The following ARAP1 variants were observed in gnomAD, a reference collection of about 807,000 sequenced individuals.
ARAP1 encodes ArfGAP with RhoGAP domain, ankyrin repeat and PH domain 1.
In ARAP1, 76 loss-of-function variants were observed where a neutral mutation model predicts 172.2. The ratio of observed to expected loss-of-function variants is 0.44; its 90% CI spans 0.37 to 0.53. ARAP1 has a LOEUF of 0.53. ARAP1 is among the 20% of genes least tolerant of loss of function. ARAP1 has a pLI of 0.00. For synonymous variants in ARAP1, 804 were observed against 803.3 expected, an observed-to-expected ratio of 1.00 and a Z score of -0.01; for missense variants, 1,686 against 1,977.5, an observed-to-expected ratio of 0.85 and a Z score of 2.80.
chr11:72,704,438 AG>A lies in ARAP1; in HGVS notation c.1810-105del. 11 of 1,275,260 alleles carry A rather than the reference AG, an allele frequency of 8.6e-6. 1 individual carries two copies. The South Asian group carries it at 1.6e-4, about 18-fold the overall frequency. The allele number at this position is 1,275,260 out of a possible 1,614,324, so 79.0% of individuals were successfully genotyped here. A position where few individuals can be genotyped will look rare whatever the true frequency, so the allele number is the denominator to read the frequency against. ...TGTTAGGAAAGGGGCTGGGAGAGCC[AG>A]GCCATCTGCCCACTTTCCCAATGGG... On this transcript the variant is annotated intron_variant, in intron 13 of 34. Transcript: ENST00000393609.
chr11:72,712,878 A>G, intron 5 of ARAP1: 2 of 599,466 alleles, frequency 3.3e-6, no homozygotes, highest in South Asian at 4.1e-5. Context: ...AGTGAAACAG[A>G]GACAGACACT....
Position 72,686,097 on chromosome 11 carries a change from C to A in ARAP1, c.4280G>T (p.Gly1427Val). 6.2e-7 allele frequency: 1 copy of A among 1,614,086 alleles called. No individual in the cohort carries two copies. The highest frequency in any genetic ancestry group is 8.5e-7 in the Non-Finnish European group (1 of 1,180,012). Reference sequence around the variant, plus strand: ...ACTCCGGCGCATTTCATTTTCACTACCTCGAAGGGGGATCAGTGACACACT... The same window carrying A: ...ACTCCGGCGCATTTCATTTTCACTAACTCGAAGGGGGATCAGTGACACACT... Reference protein sequence around the residue: ...LGSVSLIPLRGSENEMRRSVA... With the variant: ...LGSVSLIPLRVSENEMRRSVA... Residue 1427 changes from glycine (G) to valine (V), a missense_variant, in exon 34 of 35, where the codon GGT becomes GTT. Coordinates refer to ENST00000393609, the MANE Select transcript of ARAP1 (RefSeq NM_001040118.3).
rs1345059946 is a variant in ARAP1, at chr11:72,698,020, T to G, written c.2628A>C (p.Leu876=). Residue 876 remains leucine (L), a synonymous_variant, in exon 19 of 35, where the codon CTA becomes CTC. Coordinates refer to ENST00000393609, the MANE Select transcript of ARAP1 (RefSeq NM_001040118.3). ...GRLPYKAGLS[L]QRAQEGWFSL... The stretch of plus-strand genomic sequence containing the variant: ...AGAACCAGCCCTCCTGGGCCCGCTG[T>G]AGGCTCAGGCCAGCTTTGTAGGGTA... 6.2e-7 allele frequency: 1 copy of G among 1,610,582 alleles called. No homozygotes were observed. Among genetic ancestry groups the G allele is most frequent in the Non-Finnish European group, 8.5e-7 (1 of 1,178,708 alleles).
In ARAP1 at chr11:72,751,703, G is replaced by A. The variant is rs145207350; in HGVS notation, c.-128+625C>T. Among the ~76,000 whole-genome samples the A allele has an allele frequency of 5.7e-3, 865 of 151,930 alleles. 5 individuals are homozygous for A. Among genetic ancestry groups the A allele is most frequent in the Middle Eastern group, 0.041 (12 of 294 alleles). Reference sequence around the variant, plus strand: ...CAGAAACCACAGCGTGATGGCTTCTGGCCAGATTCCCCCCCTCCCCGCCGG... The same window carrying A: ...CAGAAACCACAGCGTGATGGCTTCTAGCCAGATTCCCCCCCTCCCCGCCGG... On this transcript the variant is annotated intron_variant, in intron 1 of 34. Transcript: ENST00000393609.
Position 72,710,241 on chromosome 11 carries a change from G to A in ARAP1, c.1416+144C>T, listed in dbSNP as rs777286441. 1 of 1,056,230 alleles carries A rather than the reference G, an allele frequency of 9.5e-7. No individual in the cohort carries two copies. The highest frequency in any genetic ancestry group is 1.4e-6 in the Non-Finnish European group (1 of 706,780). The allele number at this position is 1,056,230 out of a possible 1,614,324, so 65.4% of individuals were successfully genotyped here. On this transcript the variant is annotated intron_variant, in intron 10 of 34. Coordinates refer to ENST00000393609, the MANE Select transcript of ARAP1 (RefSeq NM_001040118.3). This position sits in a 1 kb window ranked among gnomAD's most constrained non-coding sequence, Gnocchi z 4.3. Reference sequence around the variant, plus strand: ...AGCCTGGGGGAAGTGGTCAGAACTTGGGGGAGCGAGGACATATCCAGGCAA... The same window carrying A: ...AGCCTGGGGGAAGTGGTCAGAACTTAGGGGAGCGAGGACATATCCAGGCAA...
chr11:72,736,585 C>T (rs185267031), intron 1 of ARAP1, among the ~76,000 whole-genome samples: 5 of 152,072 alleles, frequency 3.3e-5, no homozygotes, highest in Admixed American at 2.6e-4. Flanking sequence ...CATCCTGTTG[C>T]GACAGCACAG....
Position 72,705,796 on chromosome 11 carries a change from C to T in ARAP1, c.1809+9G>A, listed in dbSNP as rs1856732392. On this transcript the variant is annotated intron_variant, in intron 13 of 34. Transcript: ENST00000393609. Reference sequence around the variant, plus strand: ...CCCAAGTATCGGTGGCAAGCAGGGGCATCCCCACCTCGATAAGTGTTTCTG... The same window carrying T: ...CCCAAGTATCGGTGGCAAGCAGGGGTATCCCCACCTCGATAAGTGTTTCTG... 2 of 1,613,858 alleles carry T rather than the reference C, an allele frequency of 1.2e-6. No homozygotes were observed. Among genetic ancestry groups the T allele is most frequent in the Non-Finnish European group, 1.7e-6 (2 of 1,179,884 alleles).
intron 27 of ARAP1, 90 bp downstream of exon 27, chr11:72,694,890 C>T (rs1342360745): frequency 5.4e-6 from 6 of 1,115,872 alleles, no homozygotes; most frequent in African/African-American, 4.6e-5. Flanking sequence ...ACCACCCATC[C>T]TCATGTGCAG....
intron 13 of ARAP1, 146 bp downstream of exon 13, chr11:72,705,659 A>T: frequency 1.2e-6 from 1 of 838,240 alleles, no homozygotes; most frequent in Non-Finnish European, 1.8e-6. Context: ...TGCTTTTCCG[A>T]AATCCCCACC....
At chr11:72,737,573 A>G (rs550508250) in intron 1 of ARAP1, among the ~76,000 whole-genome samples, 2 of 151,034 alleles carry the variant, frequency 1.3e-5, no homozygotes, top group Admixed American at 1.3e-4. Context: ...AATGCACACC[A>G]TTTGGCAACC....
At chr11:72,715,243 C>T (rs1857220786) in intron 3 of ARAP1, among the ~76,000 whole-genome samples, 3 of 152,248 alleles carry the variant, frequency 2.0e-5, no homozygotes, top group African/African-American at 7.2e-5. Context: ...GTGTCATGTG[C>T]CAGTGCACAG....
At chr11:72,701,417 G>C (rs1489877410) in intron 16 of ARAP1, among the ~76,000 whole-genome samples, 1 of 152,164 alleles carries the variant, frequency 6.6e-6, no homozygotes, top group Non-Finnish European at 1.5e-5. Flanking sequence ...CTCAATAAAG[G>C]CTCATTTAGT....
chr11:72,712,126 C>G, intron 7 of ARAP1, 70 bp downstream of exon 7: 2 of 1,483,408 alleles, frequency 1.3e-6, no homozygotes, highest in Admixed American at 4.8e-5. Flanking sequence ...ATACCAGTGT[C>G]CTGGGGTCCT....
chr11:72,691,532 G>A (rs1565209219), intron 30 of ARAP1, among the ~76,000 whole-genome samples: 1 of 152,350 alleles, frequency 6.6e-6, no homozygotes, highest in East Asian at 1.9e-4. Flanking sequence ...AAGGAGAGAA[G>A]AGACGGTGTT....
chr11:72,741,452 C>T lies in ARAP1; in HGVS notation c.-127-8855G>A, dbSNP rs539821216. Among the ~76,000 whole-genome samples the T allele has an allele frequency of 6.6e-6, 1 of 152,278 alleles. No homozygotes were observed. Among genetic ancestry groups the T allele is most frequent in the East Asian group, 1.9e-4 (1 of 5,174 alleles). Reference sequence around the variant, plus strand: ...AGACCTGGGGCGCTCCCACCACCAGCAAGACAGGGCTCTGGCCTGGCTCCC... The same window carrying T: ...AGACCTGGGGCGCTCCCACCACCAGTAAGACAGGGCTCTGGCCTGGCTCCC... On this transcript the variant is annotated intron_variant, in intron 1 of 34. Coordinates refer to ENST00000393609, the MANE Select transcript of ARAP1 (RefSeq NM_001040118.3). This position sits in a 1 kb window ranked among gnomAD's most constrained non-coding sequence, Gnocchi z 4.5.
chr11:72,747,962 C>T (rs1378470050), intron 1 of ARAP1, among the ~76,000 whole-genome samples: 1 of 152,200 alleles, frequency 6.6e-6, no homozygotes, highest in Admixed American at 6.5e-5. Context: ...CCTCTGTCTG[C>T]AATGCCTCCC....
At position 72,711,002 on chromosome 11, in the gene ARAP1, A is replaced by G. The variant is rs745713938; in HGVS notation, c.1213+19T>C. The G allele has an allele frequency of 1.5e-5, 25 of 1,613,674 alleles. No individual in the cohort carries two copies. The South Asian group carries it at 2.4e-4, about 16-fold the overall frequency. On this transcript the variant is annotated intron_variant, in intron 9 of 34. Coordinates refer to ENST00000393609, the MANE Select transcript of ARAP1 (RefSeq NM_001040118.3). ...TCTACCCTCTTCTACACACACACAC[A>G]ACACCCCACACTCCCCACCATCACT...
intron 20 of ARAP1, 35 bp downstream of exon 20, chr11:72,697,563 C>G (rs377228270): frequency 1.5e-5 from 24 of 1,613,578 alleles, no homozygotes; most frequent in Middle Eastern, 3.3e-4. Context: ...ACTGCTCCAG[C>G]CTTCTCAGAG....
In ARAP1 at chr11:72,725,822, A is replaced by C. The variant is rs1395368594; in HGVS notation, c.509+798T>G. On this transcript the variant is annotated intron_variant, in intron 3 of 34. Coordinates refer to ENST00000393609, the MANE Select transcript of ARAP1 (RefSeq NM_001040118.3). The surrounding 1 kb of genome is among the most constrained non-coding windows in gnomAD (Gnocchi z 4.3). ...CAGGGACCAGGAGACCTCTCTCCGC[A>C]CACCCCTTCCTCCTCCAAGAAGCCT... is the stretch of plus-strand genomic sequence containing the variant. Among the ~76,000 whole-genome samples the C allele has an allele frequency of 6.6e-6, 1 of 152,088 alleles. No homozygotes were observed. Among genetic ancestry groups the C allele is most frequent in the East Asian group, 1.9e-4 (1 of 5,186 alleles).
Sources: allele counts gnomAD v4.1 joint callset (sites outside exome capture counted in the v4.1 genomes callset), GRCh38; gene constraint gnomAD v4.1.1; non-coding constraint Gnocchi (gnomAD v3.1); transcripts MANE v1.5; gene names NCBI Gene and HGNC (gene_info 2026-07-23, HGNC 2026-07-21).